Variants in PALLD observed in about 807,000 individuals in gnomAD.
PALLD encodes palladin.
A neutral mutation model predicts 123.5 loss-of-function variants in PALLD; 61 were observed. The ratio of observed to expected loss-of-function variants is 0.49; its 90% CI spans 0.40 to 0.61. The LOEUF is 0.61. Among genes scored for constraint, PALLD ranks in the 20% least tolerant of loss-of-function variants. The probability of loss-of-function intolerance (pLI) is 0.00; values close to 1 mark genes in which losing one functional copy is unlikely to be tolerated. For synonymous variants in PALLD, 465 were observed against 496.4 expected (o/e 0.94, Z 0.84); for missense variants, 1,273 against 1,377.0 (o/e 0.92, Z 1.20).
At chr4:168,830,287 G>A (rs1185831565) in intron 10 of PALLD, among the ~76,000 whole-genome samples, 1 of 151,420 alleles carries the variant, frequency 6.6e-6, no homozygotes, top group African/African-American at 2.4e-5. Context: ...ACGCCTGGGA[G>A]GCCGAGGTGG....
At chr4:168,891,106 C>A in intron 11 of PALLD, 49 bp downstream of exon 11, 2 of 1,559,268 alleles carry the variant, frequency 1.3e-6, no homozygotes, top group South Asian at 2.2e-5. Context: ...TACCCACATA[C>A]CTTTCTTCCT....
chr4:168,688,422 T>C (rs534455058), intron 6 of PALLD, among the ~76,000 whole-genome samples: 130 of 152,272 alleles, frequency 8.5e-4, no homozygotes, highest in African/African-American at 2.7e-3. Context: ...ACATGTGACA[T>C]TTCTTCCCAA....
intron 2 of PALLD, among the ~76,000 whole-genome samples, chr4:168,647,728 C>T (rs568026556): frequency 1.4e-4 from 18 of 133,138 alleles, no homozygotes; most frequent in Non-Finnish European, 2.0e-4. Context: ...CAGCAGTGAG[C>T]GGAGATTGTG....
In PALLD at chr4:168,926,511, AAAT is replaced by A. The variant is rs28364802; in HGVS notation, c.*336_*338del. On this transcript the variant is annotated 3_prime_UTR_variant, in exon 22 of 22. Coordinates refer to ENST00000505667, the MANE Select transcript of PALLD (RefSeq NM_001166108.2). ...ATAAGAAATTAAAAAAAAAACACCA[AAAT>A]AATATTTTTCTTACTTGATATACCA... The A allele has an allele frequency of 1.1e-5, 7 of 660,374 alleles. No homozygotes were observed. Among genetic ancestry groups the A allele is most frequent in the Middle Eastern group, 3.1e-4 (1 of 3,222 alleles). 40.9% of individuals were successfully genotyped at this position (660,374 alleles called of 1,614,324 possible). A position where few individuals can be genotyped will look rare whatever the true frequency, so the allele number is the denominator to read the frequency against.
At chr4:168,503,858 C>A (rs996673949) in intron 1 of PALLD, among the ~76,000 whole-genome samples, 1 of 152,246 alleles carries the variant, frequency 6.6e-6, no homozygotes, top group East Asian at 1.9e-4. Flanking sequence ...GTATGTTTAA[C>A]CTGCACATCG....
chr4:168,615,303 A>G (rs1243261435), intron 2 of PALLD, among the ~76,000 whole-genome samples: 1 of 152,242 alleles, frequency 6.6e-6, no homozygotes, highest in African/African-American at 2.4e-5. Flanking sequence ...TGTAACAGCT[A>G]CATTGTGGCA....
chr4:168,654,882 C>A (rs1037745190), intron 2 of PALLD: 1 of 152,116 alleles, frequency 6.6e-6, no homozygotes, highest in Admixed American at 6.5e-5. Flanking sequence ...GTAACTAGAA[C>A]AAGAAAAGGA....
chr4:168,894,328 C>A, intron 11 of PALLD: 1 of 503,008 alleles, frequency 2.0e-6, no homozygotes, highest in Non-Finnish European at 3.6e-6. Flanking sequence ...TCTTCCTTGT[C>A]GCTTATTGCT....
chr4:168,506,865 A>AT (rs1484767937), intron 1 of PALLD, among the ~76,000 whole-genome samples: 2 of 152,194 alleles, frequency 1.3e-5, no homozygotes, highest in African/African-American at 4.8e-5. Flanking sequence ...AAAATCAAAA[A>AT]TCAAAAGGAC....
chr4:168,566,113 C>T (rs2149591494), intron 2 of PALLD, among the ~76,000 whole-genome samples: 1 of 152,182 alleles, frequency 6.6e-6, no homozygotes, highest in African/African-American at 2.4e-5. Context: ...TCTCTTTGGC[C>T]ATCATCCCAC....
At chr4:168,797,672 G>C (rs1165003895) in intron 10 of PALLD, among the ~76,000 whole-genome samples, 1 of 152,124 alleles carries the variant, frequency 6.6e-6, no homozygotes, top group Non-Finnish European at 1.5e-5. Flanking sequence ...GCTTGGCAAG[G>C]TCAAACTATT....
intron 2 of PALLD, among the ~76,000 whole-genome samples, chr4:168,658,285 G>GTTTTTTTTTTT (rs66527351): frequency 2.3e-5 from 3 of 131,646 alleles, no homozygotes; most frequent in Non-Finnish European, 3.1e-5. Context: ...TTTTTATTTG[G>GTTTTTTTTTTT]TTTTTTTTTT....
intron 2 of PALLD, among the ~76,000 whole-genome samples, chr4:168,558,492 C>T (rs976998217): frequency 6.6e-6 from 1 of 152,204 alleles, no homozygotes; most frequent in Non-Finnish European, 1.5e-5. Context: ...AGCTCTTTCA[C>T]AAACAGAAAC....
chr4:168,590,864 GTTTTTTTTTTTTTTTTTTT>G (rs371992201), intron 2 of PALLD, among the ~76,000 whole-genome samples: 1 of 70,198 alleles, frequency 1.4e-5, no homozygotes, highest in South Asian at 5.8e-4. Context: ...GACCTAGAAA[GTTTTTTTTTTTTTTTTTTT>G]TTTTTTTTTT....
At chr4:168,666,039 TC>T (rs1779618228) in intron 2 of PALLD, among the ~76,000 whole-genome samples, 2 of 151,994 alleles carry the variant, frequency 1.3e-5, no homozygotes, top group African/African-American at 4.8e-5. Flanking sequence ...AAAATACTCT[TC>T]TTCTTTTGAT....
Position 168,512,068 on chromosome 4 carries a change from A to G in PALLD, c.564A>G (p.Pro188=). ...ELTSIFKAAK[P]RNRSPNGESS... ...CATCCATATTTAAAGCCGCAAAGCC[A>G]AGAAACAGAAGCCCAAATGGGGAGT... The change falls in exon 2 of 22, where the codon CCA becomes CCG. Residue 188 remains proline (P), a synonymous_variant. Transcript: ENST00000505667. 1 of 1,614,250 alleles carries G rather than the reference A, an allele frequency of 6.2e-7. No homozygotes were observed. The highest frequency in any genetic ancestry group is 8.5e-7 in the Non-Finnish European group (1 of 1,180,048).
At chr4:168,539,718 AT>A in intron 2 of PALLD, among the ~76,000 whole-genome samples, 1 of 152,276 alleles carries the variant, frequency 6.6e-6, no homozygotes, top group East Asian at 1.9e-4. Flanking sequence ...GCTCAAAATT[AT>A]CTTTTTCATC....
At chr4:168,873,743 G>A (rs182534451) in intron 10 of PALLD, among the ~76,000 whole-genome samples, 1 of 152,204 alleles carries the variant, frequency 6.6e-6, no homozygotes, top group Non-Finnish European at 1.5e-5. Context: ...TCCAGGTTCT[G>A]CCCTTGGACA....
chr4:168,538,987 T>C (rs943509935), intron 2 of PALLD, among the ~76,000 whole-genome samples: 1 of 152,210 alleles, frequency 6.6e-6, no homozygotes, highest in Non-Finnish European at 1.5e-5. Context: ...GCTGATCTTA[T>C]GGGCGTGAAA....
Sources: allele counts gnomAD v4.1 joint callset (sites outside exome capture counted in the v4.1 genomes callset), GRCh38; gene constraint gnomAD v4.1.1; transcripts MANE v1.5; gene names NCBI Gene and HGNC (gene_info 2026-07-23, HGNC 2026-07-21).